The following CDH5 variants were observed in gnomAD, a reference collection of about 807,000 sequenced individuals.
CDH5 encodes cadherin-5.
In CDH5, 28 loss-of-function variants were observed where a neutral mutation model predicts 62.0. The observed-to-expected ratio is 0.45, with a 90% CI of 0.33 to 0.62. CDH5 has a LOEUF of 0.62. CDH5 is among the 20% of genes least tolerant of loss of function. The pLI is 0.02. For missense variants in CDH5, 940 were observed against 1,065.1 expected (o/e 0.88, Z 1.63); for synonymous variants, 464 against 445.8 (o/e 1.04, Z -0.52).
rs199838141 is a variant in CDH5, at chr16:66,392,223, G to C, written c.1057G>C (p.Ala353Pro). 1.2e-6 allele frequency: 2 copies of C among 1,613,888 alleles called. No individual in the cohort carries two copies. The highest frequency in any genetic ancestry group is 1.7e-6 in the Non-Finnish European group (2 of 1,179,986). ...CGACCTCCGATACATGAGCCCTCCC[G>C]CGGGAAACAGAGCCCAGGTCATTAT... Reference protein sequence around the residue: ...TIDLRYMSPPAGNRAQVIINI... With the variant: ...TIDLRYMSPPPGNRAQVIINI... The change falls in exon 7 of 12, where the codon GCG becomes CCG. Residue 353 changes from alanine (A) to proline (P), a missense_variant. Physicochemically the swap from Ala to Pro is conservative, Grantham distance 27. Transcript: ENST00000341529.
At chr16:66,371,701 G>T (rs1960693772) in intron 1 of CDH5, among the ~76,000 whole-genome samples, 1 of 152,156 alleles carries the variant, frequency 6.6e-6, no homozygotes, top group Admixed American at 6.5e-5. Context: ...GCAAAGCCCA[G>T]ACTTGGCCCC....
chr16:66,380,311 A>G (rs1262487253), intron 2 of CDH5, among the ~76,000 whole-genome samples: 4 of 119,974 alleles, frequency 3.3e-5, no homozygotes, highest in Admixed American at 8.5e-5. Context: ...TGGTGATGAC[A>G]GTGATGATAA....
At chr16:66,382,128 C>A (rs556486075) in intron 2 of CDH5, among the ~76,000 whole-genome samples, 1 of 152,194 alleles carries the variant, frequency 6.6e-6, no homozygotes, top group Admixed American at 6.5e-5. Context: ...CTGAGAAGGC[C>A]GGTGTGGCCC....
At position 66,398,593 on chromosome 16, in the gene CDH5, G is replaced by A. The variant is rs149830674; in HGVS notation, c.1591+32G>A. The A allele has an allele frequency of 2.0e-3, 2,308 of 1,133,862 alleles. 45 individuals carry two copies. The East Asian group carries it at 0.042, about 21-fold the overall frequency. 70.2% of individuals were successfully genotyped at this position (1,133,862 alleles called of 1,614,324 possible). On this transcript the variant is annotated intron_variant, in intron 10 of 11. Transcript: ENST00000341529. ...ATCAAAGTAATCAGTTCAGCTGGGC[G>A]TGATGACCCACACCTGTAGTCTCAG...
chr16:66,368,102 C>A (rs1960620901), intron 1 of CDH5, among the ~76,000 whole-genome samples: 1 of 152,120 alleles, frequency 6.6e-6, no homozygotes, highest in Admixed American at 6.5e-5. Flanking sequence ...CCCTCCCCAG[C>A]GTGGACGTTT....
chr16:66,381,857 G>A (rs1039629512), intron 2 of CDH5, among the ~76,000 whole-genome samples: 1 of 152,228 alleles, frequency 6.6e-6, no homozygotes, highest in Admixed American at 6.5e-5. Context: ...AAAGTTGAGT[G>A]GTGGTGACAA....
In CDH5 at chr16:66,398,106, G is replaced by T. The variant is rs1467594950; in HGVS notation, c.1485G>T (p.Gln495His). Residue 495 changes from glutamine to histidine, a missense_variant and splice_region_variant, in exon 9 of 12, where the codon CAG becomes CAT. Transcript: ENST00000341529. ...TGTGTGAGAACGCTGTCCATGGCCA[G>T]GTGAGTCTGGTTCAGGTGGGAGGGG... ...PKVCENAVHGQLVLQISAIDK... is the reference protein window; with the variant it reads ...PKVCENAVHGHLVLQISAIDK... 11 of 1,614,136 alleles carry T rather than the reference G, an allele frequency of 6.8e-6. No individual in the cohort carries two copies. Among genetic ancestry groups the T allele is most frequent in the Non-Finnish European group, 9.3e-6 (11 of 1,180,058 alleles).
At chr16:66,382,506 G>A (rs1403516784) in intron 2 of CDH5, among the ~76,000 whole-genome samples, 1 of 152,178 alleles carries the variant, frequency 6.6e-6, no homozygotes, top group East Asian at 1.9e-4. Context: ...ATCCTTCCCG[G>A]TGGGATAATT....
At chr16:66,378,910 C>A (rs1028154037) in intron 1 of CDH5, among the ~76,000 whole-genome samples, 1 of 152,106 alleles carries the variant, frequency 6.6e-6, no homozygotes, top group Non-Finnish European at 1.5e-5. Context: ...CTGCTCACAC[C>A]CTTAGGCAGT....
At chr16:66,370,593 T>G (rs1960669362) in intron 1 of CDH5, among the ~76,000 whole-genome samples, 2 of 152,194 alleles carry the variant, frequency 1.3e-5, no homozygotes, top group Admixed American at 1.3e-4. Flanking sequence ...GTCTAGGGCC[T>G]TGAGTTCATG....
At chr16:66,370,317 G>A (rs1027304117) in intron 1 of CDH5, among the ~76,000 whole-genome samples, 2 of 152,060 alleles carry the variant, frequency 1.3e-5, no homozygotes, top group African/African-American at 4.8e-5. Context: ...TCTTAAGAAG[G>A]ATAATTTTGT....
Position 66,384,881 on chromosome 16 carries a change from G to A in CDH5, c.211-1928G>A, listed in dbSNP as rs555161970. 9.2e-5 allele frequency among the ~76,000 whole-genome samples: 14 copies of A among 152,204 alleles called. 1 individual carries two copies. The highest frequency in any genetic ancestry group is 7.8e-4 in the East Asian group (4 of 5,156). Reference sequence around the variant, plus strand: ...CTCAGGAGGCTGAGGCAGAATAATCGCTTGAACCCAGGAGGCGGAGGTTGC... The same window carrying A: ...CTCAGGAGGCTGAGGCAGAATAATCACTTGAACCCAGGAGGCGGAGGTTGC... On this transcript the variant is annotated intron_variant, in intron 2 of 11. Coordinates refer to ENST00000341529, the MANE Select transcript of CDH5 (RefSeq NM_001795.5).
Position 66,379,348 on chromosome 16 carries a change from T to C in CDH5, c.11T>C (p.Leu4Pro). MQR[L>P]MMLLATSGAC... is the part of the protein sequence containing the mutation. Reference sequence around the variant, plus strand: ...GTTCCTCCTGGGAAGATGCAGAGGCTCATGATGCTCCTCGCCACATCGGGC... The same window carrying C: ...GTTCCTCCTGGGAAGATGCAGAGGCCCATGATGCTCCTCGCCACATCGGGC... The change falls in exon 2 of 12, where the codon CTC (leucine) becomes CCC (proline). Residue 4 changes from leucine (L) to proline (P), a missense_variant. Physicochemically the swap from Leu to Pro is moderately conservative, Grantham distance 98. Transcript: ENST00000341529. 1.9e-6 allele frequency: 3 copies of C among 1,610,210 alleles called. No homozygotes were observed. The highest frequency in any genetic ancestry group is 2.5e-6 in the Non-Finnish European group (3 of 1,177,614).
At position 66,394,042 on chromosome 16, in the gene CDH5, T is replaced by C. The variant is rs534170825; in HGVS notation, c.1217+1659T>C. The stretch of plus-strand genomic sequence containing the variant: ...TTATTTTCATTTATAAGTCATAGGG[T>C]GTTTTTTTTGTTTTGCTTTAGCTTG... On this transcript the variant is annotated intron_variant, in intron 7 of 11. Transcript: ENST00000341529. 2.6e-5 allele frequency among the ~76,000 whole-genome samples: 4 copies of C among 152,268 alleles called. No individual in the cohort carries two copies. The South Asian group carries it at 6.2e-4, about 24-fold the overall frequency.
intron 1 of CDH5, among the ~76,000 whole-genome samples, chr16:66,368,611 G>C (rs1207756090): frequency 6.6e-6 from 1 of 152,218 alleles, no homozygotes; most frequent in Non-Finnish European, 1.5e-5. Context: ...ACCCATGACT[G>C]TTCCCTGTAT....
chr16:66,385,214 A>G (rs1960962929), intron 2 of CDH5, among the ~76,000 whole-genome samples: 1 of 152,200 alleles, frequency 6.6e-6, no homozygotes, highest in African/African-American at 2.4e-5. Context: ...TACCGTTCCT[A>G]ATATTTTCTG....
At chr16:66,374,953 C>A (rs1436344670) in intron 1 of CDH5, among the ~76,000 whole-genome samples, 1 of 152,080 alleles carries the variant, frequency 6.6e-6, no homozygotes, top group Non-Finnish European at 1.5e-5. Context: ...CCCTCTCCCC[C>A]CACCCCACGA....
At chr16:66,392,668 T>C (rs958171581) in intron 7 of CDH5, 2 of 413,486 alleles carry the variant, frequency 4.8e-6, no homozygotes, top group Non-Finnish European at 8.9e-6. Flanking sequence ...ACCAGTCCTA[T>C]GTGGTAAGAT....
Position 66,398,065 on chromosome 16 carries a change from C to A in CDH5, c.1444C>A (p.Pro482Thr). ...TGACAATGCCCCGGAGTTTGCCAAG[C>A]CCTACCAGCCCAAAGTGTGTGAGAA... ...ENDNAPEFAK[P>T]YQPKVCENAV... The change falls in exon 9 of 12, where the codon CCC becomes ACC. Residue 482 changes from proline to threonine, a missense_variant. Physicochemically the swap from Pro to Thr is conservative, Grantham distance 38. Coordinates refer to ENST00000341529, the MANE Select transcript of CDH5 (RefSeq NM_001795.5). The A allele has an allele frequency of 6.2e-7, 1 of 1,614,202 alleles. No individual in the cohort carries two copies.
Sources: gnomAD v4.1 joint callset for allele counts (sites outside exome capture counted in the v4.1 genomes callset) on GRCh38, gnomAD v4.1.1 for gene constraint, MANE v1.5 for transcripts, NCBI Gene and HGNC (gene_info 2026-07-23, HGNC 2026-07-21) for gene names.